CHST11: variants seen among roughly 807,000 people sequenced by gnomAD.
CHST11 encodes the protein C4S-1.
In CHST11, 9 loss-of-function variants were observed where a neutral mutation model predicts 30.4. The ratio of observed to expected loss-of-function variants is 0.30; its 90% CI spans 0.18 to 0.52. The LOEUF (loss-of-function observed/expected upper bound fraction) is 0.52. Ranked by LOEUF, CHST11 falls within the 20% of genes least tolerant of loss-of-function variation. The pLI is 0.97. For missense variants in CHST11, 348 were observed against 460.6 expected (o/e 0.76, Z 2.24); for synonymous variants, 152 against 187.8 (o/e 0.81, Z 1.56).
intron 1 of CHST11, among the ~76,000 whole-genome samples, chr12:104,556,057 GAGC>G (rs2038451563): frequency 6.6e-6 from 1 of 152,260 alleles, no homozygotes; most frequent in Admixed American, 6.5e-5. Context: ...TACAGGTGTG[GAGC>G]ACATGCAGGG....
intron 1 of CHST11, among the ~76,000 whole-genome samples, chr12:104,485,100 T>A (rs1213509091): frequency 1.3e-5 from 2 of 152,144 alleles, no homozygotes; most frequent in East Asian, 1.9e-4. Flanking sequence ...CTTGGGAATA[T>A]TTTTTGGAAT....
At chr12:104,753,362 A>G (rs1851027463) in intron 2 of CHST11, among the ~76,000 whole-genome samples, 1 of 152,240 alleles carries the variant, frequency 6.6e-6, no homozygotes, top group South Asian at 2.1e-4. Context: ...GTCAGTGTGA[A>G]GCATGAAGAG....
At chr12:104,640,251 T>C (rs2039362403) in intron 2 of CHST11, among the ~76,000 whole-genome samples, 1 of 152,214 alleles carries the variant, frequency 6.6e-6, no homozygotes, top group South Asian at 2.1e-4. Context: ...AGCTAAAAAC[T>C]TATGTATCCA....
At chr12:104,537,502 A>G (rs1376563411) in intron 1 of CHST11, among the ~76,000 whole-genome samples, 1 of 152,194 alleles carries the variant, frequency 6.6e-6, no homozygotes, top group Non-Finnish European at 1.5e-5. Context: ...ACTTAACTTC[A>G]CCAACCCACA....
intron 2 of CHST11, among the ~76,000 whole-genome samples, chr12:104,686,935 A>G (rs2039852244): frequency 6.6e-6 from 1 of 152,226 alleles, no homozygotes; most frequent in Non-Finnish European, 1.5e-5. Flanking sequence ...GGTGTGAGCC[A>G]CCACACCTGG....
intron 1 of CHST11, among the ~76,000 whole-genome samples, chr12:104,549,215 A>G (rs942836267): frequency 3.3e-5 from 5 of 152,182 alleles, no homozygotes; most frequent in African/African-American, 1.2e-4. Context: ...TGTGGCAGAA[A>G]TGAGGTGGAC....
chr12:104,657,161 A>C (rs2039552108), intron 2 of CHST11, among the ~76,000 whole-genome samples: 1 of 152,198 alleles, frequency 6.6e-6, no homozygotes, highest in South Asian at 2.1e-4. Context: ...CTGTTACCTA[A>C]CAGTCAAGGG....
chr12:104,728,960 A>C (rs921408625), intron 2 of CHST11, among the ~76,000 whole-genome samples: 1 of 152,238 alleles, frequency 6.6e-6, no homozygotes, highest in Non-Finnish European at 1.5e-5. Context: ...TGTGACTTAC[A>C]AAACAGTATA....
intron 1 of CHST11, among the ~76,000 whole-genome samples, chr12:104,527,806 T>C (rs1704914): frequency 0.62 from 93,768 of 152,098 alleles, 29,514 homozygotes; most frequent in East Asian, 0.97. Flanking sequence ...TTCACAGTTC[T>C]GCATGGCTGG....
At chr12:104,467,945 C>A (rs1395752990) in intron 1 of CHST11, among the ~76,000 whole-genome samples, 2 of 152,182 alleles carry the variant, frequency 1.3e-5, no homozygotes, top group African/African-American at 4.8e-5. Flanking sequence ...TCCCTATATC[C>A]ATTTGACATC....
intron 2 of CHST11, among the ~76,000 whole-genome samples, chr12:104,664,171 C>T (rs554846999): frequency 2.8e-4 from 43 of 152,222 alleles, no homozygotes; most frequent in Non-Finnish European, 4.7e-4. Flanking sequence ...GCTGACTGTG[C>T]CTGTAGCCTA....
At chr12:104,499,576 A>AT (rs1328326755) in intron 1 of CHST11, among the ~76,000 whole-genome samples, 11 of 152,310 alleles carry the variant, frequency 7.2e-5, no homozygotes, top group African/African-American at 2.4e-4. Context: ...TGATAAATAG[A>AT]TACAAATTCA....
chr12:104,752,495 A>G (rs1203575916), intron 2 of CHST11, among the ~76,000 whole-genome samples: 2 of 142,448 alleles, frequency 1.4e-5, no homozygotes, highest in Non-Finnish European at 3.0e-5. Flanking sequence ...ACAATTGGGA[A>G]ATTTATTTAC....
intron 1 of CHST11, among the ~76,000 whole-genome samples, chr12:104,464,613 C>T (rs1221445847): frequency 3.9e-5 from 6 of 152,160 alleles, no homozygotes; most frequent in African/African-American, 1.2e-4. Flanking sequence ...AAGGGATCCT[C>T]CTACATCATC....
chr12:104,487,984 C>A (rs569619136), intron 1 of CHST11, among the ~76,000 whole-genome samples: 1 of 152,152 alleles, frequency 6.6e-6, no homozygotes, highest in Admixed American at 6.5e-5. Flanking sequence ...TCATAGCTCA[C>A]TGCAGCCTCG....
chr12:104,685,982 T>G (rs1403897529), intron 2 of CHST11, among the ~76,000 whole-genome samples: 1 of 152,086 alleles, frequency 6.6e-6, no homozygotes, highest in Non-Finnish European at 1.5e-5. Flanking sequence ...ATCACAACAC[T>G]TTAGGAGTTC....
At chr12:104,516,338 G>A (rs1039351017) in intron 1 of CHST11, among the ~76,000 whole-genome samples, 1 of 152,168 alleles carries the variant, frequency 6.6e-6, no homozygotes, top group Admixed American at 6.5e-5. Flanking sequence ...CACGGTGTCT[G>A]TTCATATCCT....
chr12:104,629,920 C>G (rs987970022), intron 2 of CHST11, among the ~76,000 whole-genome samples: 2 of 152,112 alleles, frequency 1.3e-5, no homozygotes, highest in African/African-American at 4.8e-5. Context: ...CCAACATTAG[C>G]CTACAGTTGG....
chr12:104,553,189 C>T (rs1052568883), intron 1 of CHST11: 2 of 152,144 alleles, frequency 1.3e-5, no homozygotes, highest in Non-Finnish European at 2.9e-5. Flanking sequence ...TAGAGTGGAC[C>T]ATCAGGAAAT....
Sources: allele counts gnomAD v4.1 joint callset (sites outside exome capture counted in the v4.1 genomes callset), GRCh38; gene constraint gnomAD v4.1.1; transcripts MANE v1.5; gene names NCBI Gene and HGNC (gene_info 2026-07-23, HGNC 2026-07-21).